ITPR2: variants seen among roughly 807,000 people sequenced by gnomAD.
ITPR2 encodes the protein inositol 1,4,5-trisphosphate-gated calcium channel ITPR2.
A neutral mutation model predicts 317.1 loss-of-function variants in ITPR2; 207 were observed. The ratio of observed to expected loss-of-function variants is 0.65; its 90% CI spans 0.58 to 0.73. The LOEUF is 0.73. Among genes scored for constraint, ITPR2 ranks in the 30% least tolerant of loss-of-function variants. ITPR2 has a pLI of 0.00. For synonymous variants in ITPR2, 1,156 were observed against 1,149.1 expected (o/e 1.01, Z -0.12); for missense variants, 2,613 against 3,284.0 (o/e 0.80, Z 4.99).
chr12:26,538,866 C>A (rs906871469), intron 37 of ITPR2, among the ~76,000 whole-genome samples: 4 of 152,172 alleles, frequency 2.6e-5, no homozygotes, highest in African/African-American at 9.7e-5. Context: ...TGAGCCACTG[C>A]GCCCGGACAG....
chr12:26,470,733 G>A (rs192664531), intron 45 of ITPR2, among the ~76,000 whole-genome samples: 1 of 152,066 alleles, frequency 6.6e-6, no homozygotes, highest in African/African-American at 2.4e-5. Flanking sequence ...ATAAACTGTG[G>A]AAAACAATTT....
intron 53 of ITPR2, among the ~76,000 whole-genome samples, chr12:26,399,312 A>G (rs1356381649): frequency 2.0e-5 from 3 of 152,230 alleles, no homozygotes; most frequent in Admixed American, 6.5e-5. Flanking sequence ...TTATTATGCC[A>G]TTCTGCTAAA....
At chr12:26,803,125 T>C (rs1345350621) in intron 1 of ITPR2, among the ~76,000 whole-genome samples, 1 of 152,204 alleles carries the variant, frequency 6.6e-6, no homozygotes, top group African/African-American at 2.4e-5. Context: ...ACTGAACTTA[T>C]GTTTAACTAA....
chr12:26,440,906 T>G (rs966049102), intron 46 of ITPR2, among the ~76,000 whole-genome samples: 11 of 152,272 alleles, frequency 7.2e-5, no homozygotes, highest in African/African-American at 2.6e-4. Flanking sequence ...CTGAAGGAAA[T>G]GGAGGTGTGT....
At chr12:26,821,353 T>C (rs531750869) in intron 1 of ITPR2, among the ~76,000 whole-genome samples, 1 of 152,270 alleles carries the variant, frequency 6.6e-6, no homozygotes, top group South Asian at 2.1e-4. Flanking sequence ...TATAAATGAT[T>C]AATCCTGATC....
intron 13 of ITPR2, 86 bp from the exon 14 acceptor site, chr12:26,666,137 G>GATAA: frequency 2.9e-6 from 1 of 344,708 alleles, no homozygotes; most frequent in Non-Finnish European, 4.6e-6. Context: ...GGTAGGTAGA[G>GATAA]ATAGATAGAT....
intron 54 of ITPR2, among the ~76,000 whole-genome samples, chr12:26,393,695 C>T (rs761112697): frequency 1.3e-5 from 2 of 152,118 alleles, no homozygotes; most frequent in African/African-American, 2.4e-5. Context: ...CCTCAGATTT[C>T]TGAATAAACA....
Position 26,663,673 on chromosome 12 carries a change from C to A in ITPR2, c.1713+12G>T, listed in dbSNP as rs1209014245. 6.3e-7 allele frequency: 1 copy of A among 1,599,380 alleles called. No homozygotes were observed. The highest frequency in any genetic ancestry group is 1.3e-5 in the African/African-American group (1 of 74,344). Reference sequence around the variant, plus strand: ...CATATGAAACAGTTTAAAATGGGGGCTACCCTCTGACCTGATTTTTCCGGT... The same window carrying A: ...CATATGAAACAGTTTAAAATGGGGGATACCCTCTGACCTGATTTTTCCGGT... On this transcript the variant is annotated intron_variant, in intron 15 of 56. Transcript: ENST00000381340.
At chr12:26,573,178 A>C in intron 34 of ITPR2, among the ~76,000 whole-genome samples, 1 of 152,146 alleles carries the variant, frequency 6.6e-6, no homozygotes, top group Non-Finnish European at 1.5e-5. Flanking sequence ...ATGCACCACC[A>C]TGCCCAGCTA....
chr12:26,447,308 T>C (rs1342136801), intron 45 of ITPR2, among the ~76,000 whole-genome samples: 2 of 152,124 alleles, frequency 1.3e-5, no homozygotes, highest in Non-Finnish European at 2.9e-5. Context: ...CAGATGATGG[T>C]ACAAATTCCA....
At chr12:26,438,608 T>C (rs191934113) in intron 47 of ITPR2, among the ~76,000 whole-genome samples, 2 of 152,368 alleles carry the variant, frequency 1.3e-5, no homozygotes, top group Admixed American at 1.3e-4. Context: ...TTAACTGGAA[T>C]ATTATAACAT....
At chr12:26,589,511 A>G (rs1321709871) in intron 32 of ITPR2, among the ~76,000 whole-genome samples, 2 of 151,726 alleles carry the variant, frequency 1.3e-5, no homozygotes, top group Non-Finnish European at 2.9e-5. Context: ...TTGTCAGGTC[A>G]GGTGCAGTGG....
intron 1 of ITPR2, among the ~76,000 whole-genome samples, chr12:26,827,285 A>G (rs1592164561): frequency 1.0e-5 from 1 of 97,758 alleles, no homozygotes; most frequent in African/African-American, 2.9e-5. Flanking sequence ...AGAACAATAA[A>G]CTCGGAGAAA....
intron 9 of ITPR2, among the ~76,000 whole-genome samples, chr12:26,705,434 TC>T (rs1379727980): frequency 6.6e-6 from 1 of 152,110 alleles, no homozygotes; most frequent in Non-Finnish European, 1.5e-5. Flanking sequence ...CTTCTCAGGC[TC>T]CCAGTCTCTC....
At chr12:26,607,173 T>C (rs1385748958) in intron 26 of ITPR2, among the ~76,000 whole-genome samples, 6 of 152,174 alleles carry the variant, frequency 3.9e-5, no homozygotes, top group Non-Finnish European at 7.3e-5. Context: ...GGCCTTCTGC[T>C]CACCATCTGT....
At chr12:26,390,928 A>G (rs1939814339) in intron 54 of ITPR2, among the ~76,000 whole-genome samples, 1 of 152,230 alleles carries the variant, frequency 6.6e-6, no homozygotes. Context: ...CTTACTATCA[A>G]TTAATCTGTA....
At chr12:26,432,980 C>A (rs1472613168) in intron 48 of ITPR2, among the ~76,000 whole-genome samples, 1 of 152,210 alleles carries the variant, frequency 6.6e-6, no homozygotes, top group African/African-American at 2.4e-5. Flanking sequence ...AGAACCTTCA[C>A]CACCAGCACA....
chr12:26,663,745 G>A lies in ITPR2; in HGVS notation c.1653C>T (p.Tyr551=), dbSNP rs1947556606. 2.5e-6 allele frequency: 4 copies of A among 1,614,038 alleles called. No individual in the cohort carries two copies. Among genetic ancestry groups the A allele is most frequent in the Admixed American group, 1.7e-5 (1 of 59,974 alleles). The change falls in exon 15 of 57, where the codon TAC becomes TAT. Residue 551 remains tyrosine (Y), a synonymous_variant. Coordinates refer to ENST00000381340, the MANE Select transcript of ITPR2 (RefSeq NM_002223.4). ...GGACGCGGTAACAGAGCCGCAGCAT[G>A]TACTTGTAGGGTGCATATCTTTGAT... ...LGDQRYAPYK[Y]MLRLCYRVLR... is the part of the protein sequence containing the mutation.
chr12:26,604,838 G>A (rs898097426), intron 26 of ITPR2, among the ~76,000 whole-genome samples: 1 of 152,156 alleles, frequency 6.6e-6, no homozygotes, highest in Non-Finnish European at 1.5e-5. Context: ...GCTCACACCT[G>A]TAATCCCGGC....
Sources: allele counts gnomAD v4.1 joint callset (sites outside exome capture counted in the v4.1 genomes callset), GRCh38; gene constraint gnomAD v4.1.1; transcripts MANE v1.5; gene names NCBI Gene and HGNC (gene_info 2026-07-23, HGNC 2026-07-21).